Variants in KIAA1328 observed in about 807,000 individuals in gnomAD.
KIAA1328 encodes the protein protein hinderin.
Under a neutral mutation model 68.1 loss-of-function variants are expected in KIAA1328, and 52 were observed. The observed-to-expected ratio is 0.76, with a 90% CI of 0.61 to 0.96. KIAA1328 has a LOEUF of 0.96. Among genes scored for constraint, KIAA1328 ranks in the 40% least tolerant of loss-of-function variants. The pLI, the probability that KIAA1328 is intolerant of heterozygous loss-of-function variation, is 0.00. For missense variants in KIAA1328, 641 were observed against 677.6 expected (o/e 0.95, Z 0.60); for synonymous variants, 232 against 239.4 (o/e 0.97, Z 0.28).
intron 5 of KIAA1328, chr18:36,902,460 A>G (rs560256939): frequency 6.6e-6 from 1 of 152,198 alleles, no homozygotes; most frequent in East Asian, 1.9e-4. Context: ...GTCCCTGAAT[A>G]TCTCTGTTGC....
At chr18:37,062,367 A>G (rs905588352) in intron 6 of KIAA1328, among the ~76,000 whole-genome samples, 3 of 152,132 alleles carry the variant, frequency 2.0e-5, no homozygotes, top group African/African-American at 7.2e-5. Context: ...GGAATTTTAT[A>G]AATTGGTGCC....
intron 1 of KIAA1328, among the ~76,000 whole-genome samples, chr18:36,833,643 T>C (rs2046574226): frequency 6.6e-6 from 1 of 152,232 alleles, no homozygotes; most frequent in African/African-American, 2.4e-5. Context: ...TAGGAGCTTA[T>C]TGCAATAATC....
At position 36,848,552 on chromosome 18, in the gene KIAA1328, T is replaced by G. The variant is rs2047108057; in HGVS notation, c.332+4250T>G. Among the ~76,000 whole-genome samples the G allele has an allele frequency of 4.2e-5, 6 of 144,346 alleles. No individual in the cohort carries two copies. The South Asian group carries it at 1.3e-3, about 31-fold the overall frequency. The allele number at this position is 144,346 out of a possible 152,430, so 94.7% of individuals were successfully genotyped here. ...CCAATCTATAGATGCTTTTTTTTTT[T>G]TTTTTTTTTTTTTGCCCTTTTGCAT... On this transcript the variant is annotated intron_variant, in intron 4 of 9. Coordinates refer to ENST00000280020, the MANE Select transcript of KIAA1328 (RefSeq NM_020776.3).
chr18:36,962,788 G>A (rs553428548), intron 6 of KIAA1328, among the ~76,000 whole-genome samples: 51 of 152,264 alleles, frequency 3.3e-4, no homozygotes, highest in African/African-American at 1.1e-3. Flanking sequence ...GAGACACAAC[G>A]TGCCAGAATC....
At chr18:37,019,003 T>A (rs914130741) in intron 6 of KIAA1328, among the ~76,000 whole-genome samples, 1 of 152,204 alleles carries the variant, frequency 6.6e-6, no homozygotes, top group South Asian at 2.1e-4. Context: ...ATTCAAATTT[T>A]TCATAGTGCC....
chr18:37,012,685 CTGTGGGTGTTCTG>C (rs1487141684), intron 6 of KIAA1328, among the ~76,000 whole-genome samples: 1 of 152,136 alleles, frequency 6.6e-6, no homozygotes, highest in Non-Finnish European at 1.5e-5. Context: ...TTTAACCAGG[CTGTGGGTGTTCTG>C]TAAGCTAGAG....
At chr18:36,896,688 A>G (rs1299963250) in intron 5 of KIAA1328, among the ~76,000 whole-genome samples, 1 of 152,184 alleles carries the variant, frequency 6.6e-6, no homozygotes, top group Non-Finnish European at 1.5e-5. Context: ...ATTTAAAATT[A>G]CTTTGGAAAG....
chr18:37,048,416 T>A (rs908775123), intron 6 of KIAA1328, among the ~76,000 whole-genome samples: 8 of 152,146 alleles, frequency 5.3e-5, no homozygotes, highest in African/African-American at 1.4e-4. Context: ...TTTTTTTTTT[T>A]AACAACTCAA....
chr18:37,060,816 C>T (rs2056116463), intron 6 of KIAA1328, among the ~76,000 whole-genome samples: 1 of 152,096 alleles, frequency 6.6e-6, no homozygotes. Flanking sequence ...TATATTCATA[C>T]AGTGAAATAC....
chr18:37,098,775 A>T (rs2057500125), intron 7 of KIAA1328, among the ~76,000 whole-genome samples: 1 of 152,140 alleles, frequency 6.6e-6, no homozygotes, highest in Admixed American at 6.5e-5. Flanking sequence ...CTATTAAGAG[A>T]TTCAACTTCT....
chr18:36,867,346 G>A (rs2047789576), intron 4 of KIAA1328, among the ~76,000 whole-genome samples: 1 of 152,198 alleles, frequency 6.6e-6, no homozygotes, highest in South Asian at 2.1e-4. Context: ...GCCTTCTGCT[G>A]TGGGTAAAAG....
At chr18:36,974,040 C>T (rs1257472324) in intron 6 of KIAA1328, among the ~76,000 whole-genome samples, 1 of 152,058 alleles carries the variant, frequency 6.6e-6, no homozygotes. Flanking sequence ...TGATTGGGCA[C>T]AGTGGTCAAA....
intron 1 of KIAA1328, among the ~76,000 whole-genome samples, chr18:36,831,021 A>C (rs2150749309): frequency 6.6e-6 from 1 of 152,388 alleles, no homozygotes; most frequent in African/African-American, 2.4e-5. Context: ...TTTGCTGAAA[A>C]GCATAATGAT....
chr18:37,002,237 T>C (rs1201772937), intron 6 of KIAA1328, among the ~76,000 whole-genome samples: 3 of 146,016 alleles, frequency 2.1e-5, no homozygotes, highest in East Asian at 2.0e-4. Context: ...TCTTTTTTTT[T>C]TTTTTTTTTT....
intron 9 of KIAA1328, among the ~76,000 whole-genome samples, chr18:37,214,273 A>T (rs1038946992): frequency 3.3e-5 from 5 of 152,134 alleles, no homozygotes; most frequent in African/African-American, 1.2e-4. Flanking sequence ...TAGGGTTTTT[A>T]TGGTTTTAGG....
chr18:37,199,880 C>T (rs2060075524), intron 9 of KIAA1328, among the ~76,000 whole-genome samples: 1 of 152,078 alleles, frequency 6.6e-6, no homozygotes, highest in African/African-American at 2.4e-5. Context: ...TGATTGTTGG[C>T]CACAGGTATG....
At chr18:36,836,241 C>T (rs1226668480) in intron 3 of KIAA1328, among the ~76,000 whole-genome samples, 1 of 152,180 alleles carries the variant, frequency 6.6e-6, no homozygotes, top group African/African-American at 2.4e-5. Flanking sequence ...GTACCCACTT[C>T]ACACTGGGGT....
chr18:37,061,484 G>A (rs114157673), intron 6 of KIAA1328, among the ~76,000 whole-genome samples: 20 of 152,112 alleles, frequency 1.3e-4, no homozygotes, highest in African/African-American at 3.1e-4. Context: ...TGTAAATTAC[G>A]CCTCAATGTT....
intron 5 of KIAA1328, among the ~76,000 whole-genome samples, chr18:36,938,002 TG>T (rs1165200170): frequency 6.6e-6 from 1 of 152,178 alleles, no homozygotes; most frequent in Non-Finnish European, 1.5e-5. Flanking sequence ...TCATTTTCTT[TG>T]GTCACTTAGG....
Sources: gnomAD v4.1 joint callset for allele counts (sites outside exome capture counted in the v4.1 genomes callset) on GRCh38, gnomAD v4.1.1 for gene constraint, MANE v1.5 for transcripts, NCBI Gene and HGNC (gene_info 2026-07-23, HGNC 2026-07-21) for gene names.